The following C10orf90 variants were observed in gnomAD, a reference collection of about 807,000 sequenced individuals.
The protein encoded by C10orf90 is (E2-independent) E3 ubiquitin-conjugating enzyme FATS.
In C10orf90, 56 loss-of-function variants were observed where a neutral mutation model predicts 62.5. The ratio of observed to expected loss-of-function variants is 0.90; its 90% confidence interval spans 0.72 to 1.12. The LOEUF is 1.12. C10orf90 is among the 50% of genes most tolerant of loss of function. The pLI is 0.00. For synonymous variants in C10orf90, 386 were observed against 340.4 expected (o/e 1.13, Z -1.47); for missense variants, 970 against 880.4 (o/e 1.10, Z -1.29).
chr10:126,612,732 T>G (rs1326602216), intron 2 of C10orf90, among the ~76,000 whole-genome samples: 1 of 152,246 alleles, frequency 6.6e-6, no homozygotes, highest in Non-Finnish European at 1.5e-5. Flanking sequence ...CAAACCTGGA[T>G]GTCTCAGATG....
intron 4 of C10orf90, among the ~76,000 whole-genome samples, chr10:126,478,131 A>G (rs1283892236): frequency 2.0e-5 from 3 of 152,002 alleles, no homozygotes; most frequent in Non-Finnish European, 4.4e-5. Context: ...ACTGGGACCT[A>G]TGGTTGGTTT....
chr10:126,521,858 A>G (rs1327713407), intron 2 of C10orf90, among the ~76,000 whole-genome samples: 1 of 152,230 alleles, frequency 6.6e-6, no homozygotes, highest in East Asian at 1.9e-4. Context: ...ATACCCAACC[A>G]AATTTGAGGT....
At chr10:126,528,152 T>C (rs985258489) in intron 2 of C10orf90, among the ~76,000 whole-genome samples, 8 of 152,020 alleles carry the variant, frequency 5.3e-5, no homozygotes, top group Non-Finnish European at 7.4e-5. Context: ...TTGTCTCTGC[T>C]ATGTAGAGAG....
Position 126,476,233 on chromosome 10 carries a change from C to G in C10orf90, c.1535-11247G>C, listed in dbSNP as rs189417229. 5.3e-5 allele frequency among the ~76,000 whole-genome samples: 8 copies of G among 152,306 alleles called. No individual in the cohort carries two copies. In the South Asian group the frequency reaches 8.3e-4, roughly 16 times the overall value. ...GGGGCCGCTGGAAGCGCTTCCTAGC[C>G]CGGCTGACATCATCTCTCTGGTTTT... On this transcript the variant is annotated intron_variant, in intron 4 of 9. Coordinates refer to ENST00000488181, the MANE Select transcript of C10orf90 (RefSeq NM_001350921.2).
At chr10:126,494,047 G>C (rs1354538737) in intron 4 of C10orf90, among the ~76,000 whole-genome samples, 1 of 152,210 alleles carries the variant, frequency 6.6e-6, no homozygotes, top group East Asian at 1.9e-4. Flanking sequence ...GGATATTTAT[G>C]AAGGTTCAGG....
chr10:126,555,450 G>A (rs1002133138), intron 2 of C10orf90, among the ~76,000 whole-genome samples: 8 of 151,744 alleles, frequency 5.3e-5, no homozygotes, highest in African/African-American at 7.3e-5. Flanking sequence ...AGGCAGGCGC[G>A]ATCACTTGAG....
At chr10:126,501,406 G>A (rs575643741) in intron 4 of C10orf90, among the ~76,000 whole-genome samples, 8 of 152,050 alleles carry the variant, frequency 5.3e-5, no homozygotes, top group Non-Finnish European at 1.2e-4. Flanking sequence ...GCACGTGTAG[G>A]TGAAGGTGTG....
intron 7 of C10orf90, among the ~76,000 whole-genome samples, chr10:126,455,236 C>T (rs1293854535): frequency 6.6e-6 from 1 of 152,144 alleles, no homozygotes; most frequent in Admixed American, 6.5e-5. Context: ...CCTTTGCCTC[C>T]CCGCCCATCC....
intron 2 of C10orf90, among the ~76,000 whole-genome samples, chr10:126,580,164 C>T (rs970068357): frequency 5.9e-5 from 9 of 152,158 alleles, no homozygotes; most frequent in African/African-American, 2.2e-4. Flanking sequence ...GGCATAGGGT[C>T]TGGTAAAGGA....
intron 1 of C10orf90, among the ~76,000 whole-genome samples, chr10:126,664,207 A>G (rs535125102): frequency 1.3e-5 from 2 of 152,136 alleles, no homozygotes; most frequent in Non-Finnish European, 2.9e-5. Context: ...AGTCTCTGTG[A>G]CCTGACGCTC....
At chr10:126,426,378 G>A (rs1361177139) in intron 8 of C10orf90, among the ~76,000 whole-genome samples, 2 of 152,240 alleles carry the variant, frequency 1.3e-5, no homozygotes, top group African/African-American at 2.4e-5. Flanking sequence ...AGAAGTCATT[G>A]TTTTTGTCCT....
At chr10:126,570,603 C>T in intron 2 of C10orf90, among the ~76,000 whole-genome samples, 1 of 152,156 alleles carries the variant, frequency 6.6e-6, no homozygotes, top group South Asian at 2.1e-4. Flanking sequence ...ATGGGAATCT[C>T]AGAAAGGGTT....
intron 4 of C10orf90, among the ~76,000 whole-genome samples, chr10:126,467,708 A>T (rs929482504): frequency 1.3e-5 from 2 of 152,216 alleles, no homozygotes; most frequent in Non-Finnish European, 2.9e-5. Flanking sequence ...GCCGTAGCGC[A>T]ATAATCTCAC....
At chr10:126,549,526 A>G (rs1001853184) in intron 2 of C10orf90, among the ~76,000 whole-genome samples, 1 of 152,222 alleles carries the variant, frequency 6.6e-6, no homozygotes, top group Non-Finnish European at 1.5e-5. Context: ...AATTCTGGCA[A>G]GGACACAGAA....
chr10:126,576,787 T>C (rs1385860287), intron 2 of C10orf90, among the ~76,000 whole-genome samples: 1 of 144,438 alleles, frequency 6.9e-6, no homozygotes, highest in Non-Finnish European at 1.5e-5. Context: ...ACATATTATA[T>C]ATATATTTCA....
chr10:126,494,414 C>T (rs537211108), intron 4 of C10orf90, among the ~76,000 whole-genome samples: 6 of 152,176 alleles, frequency 3.9e-5, no homozygotes, highest in South Asian at 2.1e-4. Context: ...TAACACACAA[C>T]GAAGTGCACA....
At chr10:126,544,775 A>C (rs1287258573) in intron 2 of C10orf90, among the ~76,000 whole-genome samples, 1 of 152,096 alleles carries the variant, frequency 6.6e-6, no homozygotes, top group Non-Finnish European at 1.5e-5. Context: ...TCTGAAGTCC[A>C]TTCTTCCCTG....
At chr10:126,560,717 T>C (rs895943779) in intron 2 of C10orf90, among the ~76,000 whole-genome samples, 1 of 152,140 alleles carries the variant, frequency 6.6e-6, no homozygotes, top group South Asian at 2.1e-4. Flanking sequence ...TATCATAGGC[T>C]TTGCAGGCCA....
chr10:126,596,550 T>C (rs1845090644), intron 2 of C10orf90, among the ~76,000 whole-genome samples: 2 of 152,146 alleles, frequency 1.3e-5, no homozygotes. Context: ...CAAAAATGCA[T>C]TTAATTCACC....
Sources: allele counts gnomAD v4.1 joint callset (sites outside exome capture counted in the v4.1 genomes callset), GRCh38; gene constraint gnomAD v4.1.1; transcripts MANE v1.5; gene names NCBI Gene and HGNC (gene_info 2026-07-23, HGNC 2026-07-21).